Variants in PCDHGA3 observed in about 807,000 individuals in gnomAD.
PCDHGA3 encodes protocadherin gamma-A3.
A neutral mutation model predicts 58.5 loss-of-function variants in PCDHGA3; 40 were observed. The ratio of observed to expected loss-of-function variants is 0.68; its 90% CI spans 0.53 to 0.89. The LOEUF (loss-of-function observed/expected upper bound fraction) is 0.89. Ranked by LOEUF, PCDHGA3 falls within the 40% of genes least tolerant of loss-of-function variation. The pLI, the probability that PCDHGA3 is intolerant of heterozygous loss-of-function variation, is 0.00. For missense variants in PCDHGA3, 1,223 were observed against 1,195.9 expected, an observed-to-expected ratio of 1.02 and a Z score of -0.33; for synonymous variants, 530 against 525.7, an observed-to-expected ratio of 1.01 and a Z score of -0.11.
chr5:141,372,572 C>A (rs1199574805), intron 1 of PCDHGA3: 2 of 1,613,940 alleles, frequency 1.2e-6, no homozygotes, highest in Admixed American at 1.7e-5. Context: ...CTGAGGGCTA[C>A]TTTCAGCCTG....
chr5:141,404,525 T>G, intron 1 of PCDHGA3: 1 of 1,613,796 alleles, frequency 6.2e-7, no homozygotes, highest in South Asian at 1.1e-5. Flanking sequence ...CTATGAGCAG[T>G]TTAGAGATTT....
At chr5:141,350,586 A>T in intron 1 of PCDHGA3, 1 of 1,614,018 alleles carries the variant, frequency 6.2e-7, no homozygotes, top group South Asian at 1.1e-5. Flanking sequence ...GTCGCTGAAA[A>T]CCCAATGAAT....
At chr5:141,352,374 T>C (rs1758993649) in intron 1 of PCDHGA3, 1 of 1,614,056 alleles carries the variant, frequency 6.2e-7, no homozygotes, top group African/African-American at 1.3e-5. Flanking sequence ...GCGGTGATTC[T>C]AGCGATCGCC....
chr5:141,467,993 C>A (rs984508296), intron 1 of PCDHGA3, among the ~76,000 whole-genome samples: 1 of 152,058 alleles, frequency 6.6e-6, no homozygotes, highest in Admixed American at 6.6e-5. Context: ...AACCACAATT[C>A]TTTCTTCCTC....
At chr5:141,441,863 C>A in intron 1 of PCDHGA3, 2 of 342,418 alleles carry the variant, frequency 5.8e-6, no homozygotes, top group African/African-American at 2.2e-5. Flanking sequence ...CTGCACGCCG[C>A]GGAGCCTGGC....
chr5:141,398,740 CAG>C (rs759927246), intron 1 of PCDHGA3: 11 of 1,613,746 alleles, frequency 6.8e-6, no homozygotes, highest in Non-Finnish European at 1.7e-6. Context: ...CCGGGAACAA[CAG>C]AGTTACCATC....
chr5:141,409,577 G>A, intron 1 of PCDHGA3: 1 of 1,613,920 alleles, frequency 6.2e-7, no homozygotes, highest in South Asian at 1.1e-5. Context: ...GTCCTACGTG[G>A]TCCACGTGGC....
Position 141,476,036 on chromosome 5 carries a change from A to T in PCDHGA3, c.2425-18771A>T. ...ATGTCGGACTCGGCGCCCAGCGCCC[A>T]AGCGCTAACCCGCTGAAAGTTTCTC... On this transcript the variant is annotated intron_variant, in intron 1 of 3. Coordinates refer to ENST00000253812, the MANE Select transcript of PCDHGA3 (RefSeq NM_018916.4). This position sits in a 1 kb window ranked among gnomAD's most constrained non-coding sequence, Gnocchi z 7.6. 1.4e-6 allele frequency: 2 copies of T among 1,471,164 alleles called. No individual in the cohort carries two copies. The highest frequency in any genetic ancestry group is 1.8e-6 in the Non-Finnish European group (2 of 1,106,602). 91.1% of individuals were successfully genotyped at this position (1,471,164 alleles called of 1,614,324 possible).
At chr5:141,418,794 TAGAA>T in intron 1 of PCDHGA3, 1 of 1,613,706 alleles carries the variant, frequency 6.2e-7, no homozygotes, top group South Asian at 1.1e-5. Flanking sequence ...TTTGAAGAAG[TAGAA>T]AGATATACGA....
At chr5:141,419,093 C>T (rs1191453038) in intron 1 of PCDHGA3, 4 of 1,613,916 alleles carry the variant, frequency 2.5e-6, no homozygotes, top group South Asian at 1.1e-5. Flanking sequence ...GGCCCTGGAT[C>T]GGGAGCAGAC....
At chr5:141,419,878 G>A in intron 1 of PCDHGA3, 2 of 1,614,060 alleles carry the variant, frequency 1.2e-6, no homozygotes, top group Non-Finnish European at 1.7e-6. Context: ...AGGTACTGCC[G>A]GATTTCAGCG....
chr5:141,415,123 G>A (rs1349224471), intron 1 of PCDHGA3: 3 of 1,613,540 alleles, frequency 1.9e-6, no homozygotes, highest in African/African-American at 1.3e-5. Context: ...CGTAGTGGCC[G>A]TCCAGGACCA....
intron 1 of PCDHGA3, chr5:141,391,745 C>T (rs1371260062): frequency 6.6e-6 from 1 of 152,116 alleles, no homozygotes; most frequent in African/African-American, 2.4e-5. Flanking sequence ...CATACTTATC[C>T]TTTGGCTTCT....
chr5:141,501,311 AC>A (rs2099807696), intron 2 of PCDHGA3, among the ~76,000 whole-genome samples: 1 of 151,670 alleles, frequency 6.6e-6, no homozygotes, highest in Non-Finnish European at 1.5e-5. Context: ...ACACACACAC[AC>A]ACACACACAC....
At chr5:141,373,899 T>C in intron 1 of PCDHGA3, 1 of 545,494 alleles carries the variant, frequency 1.8e-6, no homozygotes. Flanking sequence ...TCAAGTTACA[T>C]CCTCCAACAA....
intron 2 of PCDHGA3, among the ~76,000 whole-genome samples, chr5:141,497,832 G>A (rs1326640712): frequency 1.3e-5 from 2 of 151,992 alleles, no homozygotes; most frequent in Non-Finnish European, 2.9e-5. Context: ...GATCGCCCCC[G>A]GCCACAACAA....
intron 1 of PCDHGA3, among the ~76,000 whole-genome samples, chr5:141,454,796 A>ATTTTTTTTTTTTTTTTTTTTTTTTTTT (rs61612330): frequency 3.9e-5 from 3 of 77,408 alleles, no homozygotes; most frequent in Admixed American, 1.8e-4. Flanking sequence ...CATGGTTCTA[A>ATTTTTTTTTTTTTTTTTTTTTTTTTTT]TTTTTTTTTT....
At position 141,365,023 on chromosome 5, in the gene PCDHGA3, G is replaced by A. The variant is rs775697621; in HGVS notation, c.2424+18566G>A. On this transcript the variant is annotated intron_variant, in intron 1 of 3. Transcript: ENST00000253812. Reference sequence around the variant, plus strand: ...CCGGCACCACGCACATCCGTGTTACGGTCCTCGACGCAAACGACAATGCGC... The same window carrying A: ...CCGGCACCACGCACATCCGTGTTACAGTCCTCGACGCAAACGACAATGCGC... 1.5e-4 allele frequency: 249 copies of A among 1,613,736 alleles called. No homozygotes were observed. The Middle Eastern group carries it at 3.6e-3, about 23-fold the overall frequency.
intron 1 of PCDHGA3, among the ~76,000 whole-genome samples, chr5:141,483,432 A>G (rs756227206): frequency 2.0e-5 from 3 of 152,200 alleles, no homozygotes; most frequent in African/African-American, 4.8e-5. Flanking sequence ...GAGGGAGCTG[A>G]CTACAATAAA....
Sources: allele counts gnomAD v4.1 joint callset (sites outside exome capture counted in the v4.1 genomes callset), GRCh38; gene constraint gnomAD v4.1.1; non-coding constraint Gnocchi (gnomAD v3.1); transcripts MANE v1.5; gene names NCBI Gene and HGNC (gene_info 2026-07-23, HGNC 2026-07-21).